Variants in NRP2 observed in about 807,000 individuals in gnomAD.
NRP2 encodes the protein neuropilin 2, also known as neuropilin-2.
In NRP2, 52 loss-of-function variants were observed where a neutral mutation model predicts 110.4. The ratio of observed to expected loss-of-function variants is 0.47; its 90% CI spans 0.38 to 0.59. The LOEUF (loss-of-function observed/expected upper bound fraction) is 0.59. NRP2 is among the 20% of genes least tolerant of loss of function. The probability of loss-of-function intolerance (pLI) is 0.00; values close to 1 mark genes in which losing one functional copy is unlikely to be tolerated. For missense variants in NRP2, 1,049 were observed against 1,203.0 expected (o/e 0.87, Z 1.89); for synonymous variants, 508 against 468.9 (o/e 1.08, Z -1.08).
intron 12 of NRP2, among the ~76,000 whole-genome samples, chr2:205,753,303 C>T (rs2057682140): frequency 6.6e-6 from 1 of 152,212 alleles, no homozygotes; most frequent in Non-Finnish European, 1.5e-5. Context: ...GTTCCCATAG[C>T]CAGCACCCAC....
In NRP2 at chr2:205,763,767, C is replaced by T. The variant is rs996595029; in HGVS notation, c.2138C>T (p.Pro713Leu). Residue 713 changes from proline to leucine, a missense_variant, in exon 13 of 17, where the codon CCG (proline) becomes CTG (leucine). Physicochemically the swap from Pro to Leu is moderately conservative, Grantham distance 98. Coordinates refer to ENST00000357785, the MANE Select transcript of NRP2 (RefSeq NM_003872.3). The surrounding 1 kb of genome is among the most constrained non-coding windows in gnomAD (Gnocchi z 4.0). ...ISPPVHLPRS[P>L]VCMEFQYQAT... ...CCCCCTGTCCACCTGCCCCGAAGCC[C>T]GGTGTGCATGGAGTTCCAGTACCAG... The T allele has an allele frequency of 6.2e-7, 1 of 1,614,216 alleles. No individual in the cohort carries two copies. Among genetic ancestry groups the T allele is most frequent in the Non-Finnish European group, 8.5e-7 (1 of 1,180,036 alleles).
chr2:205,738,405 A>C (rs532377241), intron 7 of NRP2, among the ~76,000 whole-genome samples: 1 of 152,322 alleles, frequency 6.6e-6, no homozygotes, highest in African/African-American at 2.4e-5. Context: ...GCAAAGCAAA[A>C]CAAAACAAAA....
At chr2:205,776,285 C>A (rs1451673545) in intron 15 of NRP2, 2 of 1,612,366 alleles carry the variant, frequency 1.2e-6, no homozygotes, top group African/African-American at 2.7e-5. Flanking sequence ...ACAGTGGACA[C>A]GGTGCCCATG....
At chr2:205,738,001 C>T (rs867924213) in intron 7 of NRP2, among the ~76,000 whole-genome samples, 6 of 152,336 alleles carry the variant, frequency 3.9e-5, no homozygotes, top group Middle Eastern at 3.4e-3. Context: ...AGTCCAAATA[C>T]ACAATCATTT....
intron 2 of NRP2, among the ~76,000 whole-genome samples, chr2:205,712,784 T>C (rs2056823089): frequency 6.6e-6 from 1 of 152,060 alleles, no homozygotes; most frequent in Non-Finnish European, 1.5e-5. Flanking sequence ...AGACTGGAAG[T>C]TGGGGGGATT....
intron 2 of NRP2, among the ~76,000 whole-genome samples, chr2:205,705,347 A>G (rs2056652672): frequency 6.6e-6 from 1 of 152,200 alleles, no homozygotes; most frequent in Non-Finnish European, 1.5e-5. Flanking sequence ...TCCTAGAAGG[A>G]GAATCCCTGA....
intron 3 of NRP2, among the ~76,000 whole-genome samples, chr2:205,722,026 C>T (rs1006648790): frequency 7.9e-5 from 12 of 152,112 alleles, no homozygotes; most frequent in African/African-American, 2.9e-4. Context: ...TAAGGGGTAA[C>T]ATTGTTTTCC....
chr2:205,747,063 T>C (rs910187502), intron 10 of NRP2, among the ~76,000 whole-genome samples: 7 of 152,152 alleles, frequency 4.6e-5, no homozygotes, highest in African/African-American at 1.7e-4. Context: ...CTCCCCCCGA[T>C]ACAAGCTGGC....
chr2:205,745,006 G>A (rs1028639086), intron 9 of NRP2, among the ~76,000 whole-genome samples: 2 of 152,216 alleles, frequency 1.3e-5, no homozygotes, highest in Admixed American at 1.3e-4. Flanking sequence ...CGGTCCTGCT[G>A]AATTTCTGGG....
At chr2:205,738,540 G>A (rs2057386067) in intron 7 of NRP2, among the ~76,000 whole-genome samples, 1 of 152,200 alleles carries the variant, frequency 6.6e-6, no homozygotes, top group Admixed American at 6.5e-5. Flanking sequence ...AGTAGGGTCA[G>A]TCACCACTCC....
chr2:205,687,296 C>T (rs1017109605), intron 1 of NRP2, among the ~76,000 whole-genome samples: 1 of 152,198 alleles, frequency 6.6e-6, no homozygotes, highest in Admixed American at 6.5e-5. Context: ...TTCTTTTAGC[C>T]TGTCTCCCCA....
At chr2:205,777,494 G>A (rs2105949992) in intron 15 of NRP2, 1 of 152,368 alleles carries the variant, frequency 6.6e-6, no homozygotes, top group South Asian at 2.1e-4. Context: ...GTCTGGGACT[G>A]ACGTAGGAAA....
At position 205,790,529 on chromosome 2, in the gene NRP2, C is replaced by A. The variant is rs1191621367; in HGVS notation, c.2426-1706C>A. On this transcript the variant is annotated intron_variant, in intron 15 of 16. Transcript: ENST00000357785. ...TGGCAGGAGCCCCGTGGTTCTCATC[C>A]TAGGCTGATTCACATATTCTTATCC... Among the ~76,000 whole-genome samples, 16 of 152,294 alleles carry A rather than the reference C, an allele frequency of 1.1e-4. No individual in the cohort carries two copies. The East Asian group carries it at 3.1e-3, about 29-fold the overall frequency.
At position 205,745,949 on chromosome 2, in the gene NRP2, C is replaced by T. The variant is rs564244014; in HGVS notation, c.1786+59C>T. On this transcript the variant is annotated intron_variant, in intron 10 of 16. Transcript: ENST00000357785. ...CCACATGGTCCTCTGACCCTGGCAT[C>T]CCACGAGGCCCTGGGAGGGCTGTGG... 28 of 1,598,658 alleles carry T rather than the reference C, an allele frequency of 1.8e-5. No homozygotes were observed. The African/African-American group carries it at 2.8e-4, about 16-fold the overall frequency.
In NRP2 at chr2:205,753,350, G is replaced by A. The variant is rs192334263; in HGVS notation, c.2044+375G>A. Among the ~76,000 whole-genome samples the A allele has an allele frequency of 2.2e-3, 336 of 152,320 alleles. 1 individual carries two copies. The highest frequency in any genetic ancestry group is 7.8e-3 in the African/African-American group (324 of 41,566). The stretch of plus-strand genomic sequence containing the variant: ...CAGAGCCCCTTGTCAACTTCGAGCT[G>A]GGTACTGTTCCTAAAATGGCTCATT... On this transcript the variant is annotated intron_variant, in intron 12 of 16. Coordinates refer to ENST00000357785, the MANE Select transcript of NRP2 (RefSeq NM_003872.3).
intron 2 of NRP2, 107 bp from the exon 3 acceptor site, chr2:205,716,086 A>T (rs1254798614): frequency 8.2e-7 from 1 of 1,220,876 alleles, no homozygotes; most frequent in Non-Finnish European, 1.2e-6. Flanking sequence ...TCCATCTGAA[A>T]CACCTTAACT....
chr2:205,713,008 G>T (rs2056828514), intron 2 of NRP2, among the ~76,000 whole-genome samples: 2 of 152,310 alleles, frequency 1.3e-5, no homozygotes, highest in South Asian at 4.1e-4. Flanking sequence ...TTCTCTATAT[G>T]TGTGTTAGAT....
At chr2:205,703,401 C>A (rs2056603680) in intron 2 of NRP2, among the ~76,000 whole-genome samples, 2 of 152,332 alleles carry the variant, frequency 1.3e-5, no homozygotes, top group Admixed American at 1.3e-4. Flanking sequence ...ATATTCTTTT[C>A]CCTAAAGTCA....
chr2:205,749,981 C>T (rs1050186040), intron 11 of NRP2, 140 bp downstream of exon 11: 62 of 729,000 alleles, frequency 8.5e-5, no homozygotes, highest in Non-Finnish European at 1.4e-4. Context: ...GGTGGGGGCA[C>T]TTAGGGGTTT....
Sources: gnomAD v4.1 joint callset for allele counts (sites outside exome capture counted in the v4.1 genomes callset) on GRCh38, gnomAD v4.1.1 for gene constraint, Gnocchi (gnomAD v3.1) non-coding constraint, MANE v1.5 for transcripts, NCBI Gene and HGNC (gene_info 2026-07-23, HGNC 2026-07-21) for gene names.